Variants in BRCA2 observed in about 807,000 individuals in gnomAD.
BRCA2 encodes BRCA2 DNA repair associated.
BRCA2 carries 203 observed loss-of-function variants against 276.7 expected under a neutral mutation model. The observed-to-expected ratio is 0.73, with a 90% CI of 0.65 to 0.82. The LOEUF (loss-of-function observed/expected upper bound fraction) is 0.82, where lower values mean the gene tolerates loss of function less well. Among genes scored for constraint, BRCA2 ranks in the 40% least tolerant of loss-of-function variants. The probability of loss-of-function intolerance (pLI) is 0.00; values close to 1 mark genes in which losing one functional copy is unlikely to be tolerated. For missense variants in BRCA2, 3,920 were observed against 3,915.0 expected (o/e 1.00, Z -0.03); for synonymous variants, 1,289 against 1,338.4 (o/e 0.96, Z 0.81).
intron 10 of BRCA2, among the ~76,000 whole-genome samples, chr13:32,335,344 C>CAA (rs780395396): frequency 2.1e-3 from 100 of 47,624 alleles, no homozygotes; most frequent in African/African-American, 5.8e-3. Context: ...GACTCCATCT[C>CAA]AAAAAAAAAA....
chr13:32,366,963 G>A (rs1055249319), intron 18 of BRCA2, among the ~76,000 whole-genome samples: 1 of 152,020 alleles, frequency 6.6e-6, no homozygotes, highest in African/African-American at 2.4e-5. Context: ...AGGATGCAAG[G>A]TGTCTTGAAG....
In BRCA2 at chr13:32,341,197, G is replaced by A. The variant is rs773863936; in HGVS notation, c.6841+1G>A. 1.2e-6 allele frequency: 2 copies of A among 1,613,848 alleles called. No individual in the cohort carries two copies. Among genetic ancestry groups the A allele is most frequent in the South Asian group, 1.1e-5 (1 of 91,020 alleles). ...AGAGGAGAGCCCCTTATCTTAGTGG[G>A]TAAGTGTTCATTTTTACCTTTCGTG... is the stretch of plus-strand genomic sequence containing the variant. On this transcript the variant is annotated splice_donor_variant, in intron 11 of 26. Transcript: ENST00000380152. LOFTEE classifies it high-confidence loss of function.
rs756411508 is a variant in BRCA2, at chr13:32,336,816, G to A, written c.2461G>A (p.Val821Ile). 5 of 1,605,552 alleles carry A rather than the reference G, an allele frequency of 3.1e-6. No homozygotes were observed. Among genetic ancestry groups the A allele is most frequent in the East Asian group, 2.2e-5 (1 of 44,832 alleles). ...TATTCCCATGGAAAAGAATCAAGATGTATGTGCTTTAAATGAAAATTATAA... is the reference window on the plus strand; with the variant it reads ...TATTCCCATGGAAAAGAATCAAGATATATGTGCTTTAAATGAAAATTATAA... Reference protein sequence around the residue: ...KNIPMEKNQDVCALNENYKNV... With the variant: ...KNIPMEKNQDICALNENYKNV... Residue 821 changes from valine to isoleucine, a missense_variant, in exon 11 of 27, where the codon GTA (valine) becomes ATA (isoleucine). By Grantham distance (29) the Val-to-Ile change is conservative. Transcript: ENST00000380152.
intron 8 of BRCA2, among the ~76,000 whole-genome samples, chr13:32,329,827 CT>C (rs1406389673): frequency 6.6e-6 from 1 of 151,710 alleles, no homozygotes; most frequent in Non-Finnish European, 1.5e-5. Context: ...TACCTATAAT[CT>C]TTTTTTCTAT....
rs1593931261 is a variant in BRCA2 at position 32,371,073 on chromosome 13, A to C, written c.8605A>C (p.Ile2869Leu). The change falls in exon 20 of 27, where the codon ATT (isoleucine) becomes CTT (leucine). Residue 2869 changes from isoleucine to leucine, a missense_variant. Physicochemically the swap from Ile to Leu is conservative, Grantham distance 5. Coordinates refer to ENST00000380152, the MANE Select transcript of BRCA2 (RefSeq NM_000059.4). ...GAGACTAGAAGCCTTATTCACTAAA[A>C]TTCAGGAGGAATTTGAAGAACATGA... ...QKRLEALFTK[I>L]QEEFEEHEEN... 1.2e-6 allele frequency: 2 copies of C among 1,614,142 alleles called. No individual in the cohort carries two copies. Among genetic ancestry groups the C allele is most frequent in the Non-Finnish European group, 1.7e-6 (2 of 1,179,984 alleles).
chr13:32,340,092 T>C lies in BRCA2; in HGVS notation c.5737T>C (p.Cys1913Arg), dbSNP rs80358799. The C allele has an allele frequency of 2.9e-5, 46 of 1,613,828 alleles. No homozygotes were observed. The highest frequency in any genetic ancestry group is 3.7e-5 in the Non-Finnish European group (44 of 1,179,892). Residue 1913 changes from cysteine (C) to arginine (R), a missense_variant, in exon 11 of 27, where the codon TGT (cysteine) becomes CGT (arginine). By Grantham distance (180) the Cys-to-Arg change is radical (BLOSUM62 -3). Transcript: ENST00000380152. ...ILHNSLDNDE[C>R]STHSHKVFAD... Reference sequence around the variant, plus strand: ...TCATAACTCTCTAGATAATGATGAATGTAGCACGCATTCACATAAGGTTTT... The same window carrying C: ...TCATAACTCTCTAGATAATGATGAACGTAGCACGCATTCACATAAGGTTTT...
chr13:32,331,723 T>C (rs75451811), intron 9 of BRCA2, among the ~76,000 whole-genome samples: 2 of 152,158 alleles, frequency 1.3e-5, no homozygotes, highest in Non-Finnish European at 2.9e-5. Flanking sequence ...TTTTTTTTTT[T>C]CTAATTAGAA....
At chr13:32,318,930 AATG>A in intron 2 of BRCA2, 144 bp from the exon 3 acceptor site, 1 of 1,084,436 alleles carries the variant, frequency 9.2e-7, no homozygotes, top group Admixed American at 2.8e-5. Context: ...AGAATGGATT[AATG>A]ATCTTGTTTA....
chr13:32,360,916 CT>C lies in BRCA2; in HGVS notation c.7806-1605del, dbSNP rs746892208. On this transcript the variant is annotated intron_variant, in intron 16 of 26. Transcript: ENST00000380152. The stretch of plus-strand genomic sequence containing the variant: ...TAAGAATGGCTGTGAAGATTTTGGC[CT>C]TAGCAGCTGGAAGGATAGAGTTGTA... 1.5e-3 allele frequency among the ~76,000 whole-genome samples: 234 copies of C among 152,270 alleles called. 2 individuals are homozygous for C. The highest frequency in any genetic ancestry group is 3.0e-3 in the Non-Finnish European group (204 of 68,014).
intron 24 of BRCA2, chr13:32,385,177 GA>G: frequency 4.8e-6 from 1 of 206,334 alleles, no homozygotes. Flanking sequence ...AGTGGCTGCT[GA>G]AAACCCTGAA....
At chr13:32,368,892 C>G (rs571854422) in intron 18 of BRCA2, among the ~76,000 whole-genome samples, 1 of 150,536 alleles carries the variant, frequency 6.6e-6, no homozygotes, top group Admixed American at 6.6e-5. Flanking sequence ...CTCACTGCAA[C>G]CTCCACCTCC....
chr13:32,386,407 CAAAAT>C (rs750703050), intron 24 of BRCA2, among the ~76,000 whole-genome samples: 16 of 152,008 alleles, frequency 1.1e-4, no homozygotes, highest in Non-Finnish European at 1.3e-4. Context: ...GACTGCATCT[CAAAAT>C]AAAGAAAAAA....
rs1280698005 is a variant in BRCA2, at chr13:32,351,049, A to C, written c.7008-3812A>C. 1.3e-5 allele frequency among the ~76,000 whole-genome samples: 2 copies of C among 152,200 alleles called. 1 individual carries two copies. Among genetic ancestry groups the C allele is most frequent in the African/African-American group, 4.8e-5 (2 of 41,454 alleles). ...AATCAGCACTCTGTAAAATAGACCA[A>C]TCAGCAGGACGTGGGCGGGGCCAAA... On this transcript the variant is annotated intron_variant, in intron 13 of 26. Transcript: ENST00000380152.
intron 7 of BRCA2, among the ~76,000 whole-genome samples, chr13:32,327,198 A>G (rs1261288412): frequency 2.0e-5 from 3 of 152,224 alleles, no homozygotes; most frequent in Non-Finnish European, 4.4e-5. Flanking sequence ...CTGTAATCCC[A>G]ACACTTTGGG....
rs1593931044 is a variant in BRCA2 at position 32,371,006 on chromosome 13, G to A, written c.8538G>A (p.Glu2846=). 1 of 1,614,086 alleles carries A rather than the reference G, an allele frequency of 6.2e-7. No individual in the cohort carries two copies. The highest frequency in any genetic ancestry group is 1.1e-5 in the South Asian group (1 of 91,086). The change falls in exon 20 of 27, where the codon GAG becomes GAA. Residue 2846 remains glutamate (E), a synonymous_variant. Transcript: ENST00000380152. ...SGLYIFRNER[E]EEKEAAKYVE... is the part of the protein sequence containing the mutation. The stretch of plus-strand genomic sequence containing the variant: ...TATACATATTTCGCAATGAAAGAGA[G>A]GAAGAAAAGGAAGCAGCAAAATATG...
Position 32,394,764 on chromosome 13 carries a change from A to C in BRCA2, c.9332A>C (p.Glu3111Ala). The C allele has an allele frequency of 6.2e-7, 1 of 1,614,104 alleles. No homozygotes were observed. Among genetic ancestry groups the C allele is most frequent in the Non-Finnish European group, 8.5e-7 (1 of 1,179,982 alleles). The change falls in exon 25 of 27, where the codon GAG becomes GCG. Residue 3111 changes from glutamate to alanine, a missense_variant. Around this residue, in one of 2 missense-constraint regions of BRCA2, gnomAD observed 657 missense variants for 758.2 expected, o/e 0.87. Transcript: ENST00000380152. Reference sequence around the variant, plus strand: ...ATAAAGTTTTGGATAGACCTTAATGAGGACATTATTAAGCCTCATATGTTA... The same window carrying C: ...ATAAAGTTTTGGATAGACCTTAATGCGGACATTATTAAGCCTCATATGTTA... The part of the protein sequence containing the change: ...LAIKFWIDLN[E>A]DIIKPHMLIA...
intron 24 of BRCA2, 29 bp downstream of exon 24, chr13:32,380,174 A>G (rs1194372948): frequency 1.3e-6 from 2 of 1,580,752 alleles, no homozygotes; most frequent in African/African-American, 2.7e-5. Context: ...AATTTTTTTT[A>G]TTGATTCTTT....
Position 32,316,521 on chromosome 13 carries a change from A to G in BRCA2, c.61A>G (p.Lys21Glu). Residue 21 changes from lysine to glutamate, a missense_variant, in exon 2 of 27, where the codon AAA (lysine) becomes GAA (glutamate). By Grantham distance (56) the Lys-to-Glu change is moderately conservative. This residue lies in a region of BRCA2 where 3,263 missense variants were observed against 3,156.9 expected (regional missense o/e 1.03). Coordinates refer to ENST00000380152, the MANE Select transcript of BRCA2 (RefSeq NM_000059.4). ...FFEIFKTRCNKADLGPISLNW... is the reference protein window; with the variant it reads ...FFEIFKTRCNEADLGPISLNW... ...TGAAATTTTTAAGACACGCTGCAAC[A>G]AAGCAGGTATTGACAAATTTTATAT... 2.5e-6 allele frequency: 4 copies of G among 1,613,786 alleles called. No individual in the cohort carries two copies. The East Asian group carries it at 6.7e-5, about 27-fold the overall frequency.
In BRCA2 at chr13:32,332,469, A is replaced by G. The variant is rs2072402052; in HGVS notation, c.991A>G (p.Lys331Glu). 6.3e-7 allele frequency: 1 copy of G among 1,594,618 alleles called. No individual in the cohort carries two copies. Among genetic ancestry groups the G allele is most frequent in the East Asian group, 2.2e-5 (1 of 44,806 alleles). The change falls in exon 10 of 27, where the codon AAA (lysine) becomes GAA (glutamate). Residue 331 changes from lysine to glutamate, a missense_variant. Lys to Glu is a moderately conservative substitution (Grantham distance 56, BLOSUM62 1). Around this residue, in one of 2 missense-constraint regions of BRCA2, gnomAD observed 3,263 missense variants for 3,156.9 expected, o/e 1.03. Transcript: ENST00000380152. ...AGTAAGAACTAGCAAGACTAGGAAA[A>G]AAATTTTCCATGAAGCAAACGCTGA... ...QKVRTSKTRK[K>E]IFHEANADEC...
Sources: gnomAD v4.1 joint callset for allele counts (sites outside exome capture counted in the v4.1 genomes callset) on GRCh38, gnomAD v4.1.1 for gene constraint, gnomAD v4.1.1 regional missense constraint, MANE v1.5 for transcripts, NCBI Gene and HGNC (gene_info 2026-07-23, HGNC 2026-07-21) for gene names.